Variants in CENPP observed in about 807,000 individuals in gnomAD.
CENPP encodes the protein centromere protein P.
Under a neutral mutation model 35.6 loss-of-function variants are expected in CENPP, and 24 were observed. That is an observed-to-expected ratio of 0.67 (90% CI 0.49 to 0.95). CENPP has a LOEUF of 0.95. Ranked by LOEUF, CENPP falls within the 40% of genes least tolerant of loss-of-function variation. The pLI, the probability that CENPP is intolerant of heterozygous loss-of-function variation, is 0.00. For missense variants in CENPP, 332 were observed against 345.3 expected (o/e 0.96, Z 0.31); for synonymous variants, 120 against 125.5 (o/e 0.96, Z 0.29).
At chr9:92,339,288 T>TC (rs1272128306) in intron 3 of CENPP, among the ~76,000 whole-genome samples, 1 of 152,208 alleles carries the variant, frequency 6.6e-6, no homozygotes, top group African/African-American at 2.4e-5. Flanking sequence ...GTCCCAAGTT[T>TC]CCCATTTTGT....
chr9:92,603,498 C>T (rs1483231325), intron 5 of CENPP, among the ~76,000 whole-genome samples: 6 of 152,158 alleles, frequency 3.9e-5, no homozygotes, highest in Non-Finnish European at 8.8e-5. Context: ...CTCACCAAGA[C>T]ACCCACAGTG....
At chr9:92,449,993 G>A (rs2131019379) in intron 5 of CENPP, among the ~76,000 whole-genome samples, 1 of 152,218 alleles carries the variant, frequency 6.6e-6, no homozygotes, top group Non-Finnish European at 1.5e-5. Flanking sequence ...ATAATTTTGG[G>A]AAAATAGATT....
intron 5 of CENPP, chr9:92,404,757 C>T: frequency 1.4e-6 from 1 of 722,806 alleles, no homozygotes; most frequent in Non-Finnish European, 1.8e-6. Context: ...ACTCAGTCTG[C>T]TTCAACTAAT....
At chr9:92,498,090 G>A (rs369598539) in intron 5 of CENPP, among the ~76,000 whole-genome samples, 7 of 151,936 alleles carry the variant, frequency 4.6e-5, no homozygotes, top group African/African-American at 1.7e-4. Flanking sequence ...ACCCAGCCTT[G>A]GGCATTACTT....
chr9:92,437,568 C>T (rs1411038187), intron 5 of CENPP, among the ~76,000 whole-genome samples: 1 of 151,452 alleles, frequency 6.6e-6, no homozygotes, highest in Non-Finnish European at 1.5e-5. Context: ...TGCCAACACA[C>T]CCAGCTAATT....
intron 5 of CENPP, among the ~76,000 whole-genome samples, chr9:92,458,108 C>T (rs1359237973): frequency 1.3e-5 from 2 of 152,196 alleles, no homozygotes; most frequent in East Asian, 3.9e-4. Flanking sequence ...ATTGAAATCA[C>T]TTGATCTTAT....
chr9:92,501,395 G>A (rs1465010113), intron 5 of CENPP, among the ~76,000 whole-genome samples: 2 of 152,138 alleles, frequency 1.3e-5, no homozygotes, highest in African/African-American at 2.4e-5. Flanking sequence ...ATGAAATCCC[G>A]TGAATCCCAG....
rs148755250 is a variant in CENPP at position 92,543,326 on chromosome 9, G to A, written c.565-67988G>A. ...ATCTCTATCAAAAAATACAAAAATT[G>A]GCTGGGCATGGTGGTACGTACCTGT... is the stretch of plus-strand genomic sequence containing the variant. On this transcript the variant is annotated intron_variant, in intron 5 of 7. Coordinates refer to ENST00000375587, the MANE Select transcript of CENPP (RefSeq NM_001012267.3). Among the ~76,000 whole-genome samples the A allele has an allele frequency of 7.3e-3, 1,101 of 151,750 alleles. 14 individuals carry two copies. Among genetic ancestry groups the A allele is most frequent in the African/African-American group, 0.025 (1,024 of 41,410 alleles).
chr9:92,345,885 G>T, intron 4 of CENPP, 98 bp downstream of exon 4: 1 of 678,252 alleles, frequency 1.5e-6, no homozygotes, highest in Non-Finnish European at 2.6e-6. Flanking sequence ...AAGTAAATAG[G>T]TCTTCTCTGA....
chr9:92,429,439 A>C (rs1481660775), intron 5 of CENPP, among the ~76,000 whole-genome samples: 1 of 152,220 alleles, frequency 6.6e-6, no homozygotes, highest in African/African-American at 2.4e-5. Flanking sequence ...AGAGAAGGTA[A>C]AGAACAAATG....
intron 5 of CENPP, among the ~76,000 whole-genome samples, chr9:92,519,674 A>G (rs1468897616): frequency 6.6e-6 from 1 of 152,174 alleles, no homozygotes; most frequent in Non-Finnish European, 1.5e-5. Context: ...GACCTAATAT[A>G]TCTTATATTT....
intron 5 of CENPP, among the ~76,000 whole-genome samples, chr9:92,525,911 A>C (rs1848373870): frequency 6.6e-6 from 1 of 151,692 alleles, no homozygotes; most frequent in South Asian, 2.1e-4. Flanking sequence ...AAAAAAAAAA[A>C]AAAAGCACAT....
Position 92,619,489 on chromosome 9 carries a change from G to T in CENPP, c.*6340G>T. 6.3e-7 allele frequency: 1 copy of T among 1,585,804 alleles called. No individual in the cohort carries two copies. The highest frequency in any genetic ancestry group is 8.6e-7 in the Non-Finnish European group (1 of 1,166,080). On this transcript the variant is annotated 3_prime_UTR_variant, in exon 8 of 8. Coordinates refer to ENST00000375587, the MANE Select transcript of CENPP (RefSeq NM_001012267.3). ...TGCCTTGCAGTGGGGGCCTCACCTGGCATCCTGCAGACAGGGAGACAGTGC... is the reference window on the plus strand; with the variant it reads ...TGCCTTGCAGTGGGGGCCTCACCTGTCATCCTGCAGACAGGGAGACAGTGC...
chr9:92,336,081 C>T (rs753085125), intron 2 of CENPP, among the ~76,000 whole-genome samples: 2 of 152,198 alleles, frequency 1.3e-5, no homozygotes, highest in Non-Finnish European at 2.9e-5. Flanking sequence ...TCTTTAGTCT[C>T]CTTAATCTGG....
chr9:92,398,566 A>C (rs1842985798), intron 5 of CENPP, among the ~76,000 whole-genome samples: 2 of 151,938 alleles, frequency 1.3e-5, no homozygotes, highest in South Asian at 4.1e-4. Flanking sequence ...CACATAGTGT[A>C]TCCTGGAAAT....
At position 92,523,847 on chromosome 9, in the gene CENPP, C is replaced by T. The variant is rs367917207; in HGVS notation, c.565-87467C>T. Among the ~76,000 whole-genome samples the T allele has an allele frequency of 6.3e-4, 96 of 152,292 alleles. 1 individual carries two copies. The highest frequency in any genetic ancestry group is 2.2e-3 in the African/African-American group (93 of 41,572). The stretch of plus-strand genomic sequence containing the variant: ...TTGCACTCAGAGCATGGGAACATAA[C>T]GGCGATAAGAAGGCTTTCCTCCTCA... On this transcript the variant is annotated intron_variant, in intron 5 of 7. Transcript: ENST00000375587.
chr9:92,445,191 C>T (rs181193468), intron 5 of CENPP, among the ~76,000 whole-genome samples: 49 of 152,298 alleles, frequency 3.2e-4, no homozygotes, highest in African/African-American at 1.1e-3. Flanking sequence ...TCTCATCCTG[C>T]TGGGCTTCCA....
At chr9:92,347,885 A>G (rs1362279952) in intron 4 of CENPP, among the ~76,000 whole-genome samples, 1 of 152,124 alleles carries the variant, frequency 6.6e-6, no homozygotes, top group Non-Finnish European at 1.5e-5. Flanking sequence ...TAGACTGTCA[A>G]TTATTTTTTA....
At chr9:92,543,344 G>A (rs541112743) in intron 5 of CENPP, among the ~76,000 whole-genome samples, 4 of 151,848 alleles carry the variant, frequency 2.6e-5, no homozygotes, top group East Asian at 1.9e-4. Context: ...ATGGTGGTAC[G>A]TACCTGTAGT....
Sources: allele counts gnomAD v4.1 joint callset (sites outside exome capture counted in the v4.1 genomes callset), GRCh38; gene constraint gnomAD v4.1.1; transcripts MANE v1.5; gene names NCBI Gene and HGNC (gene_info 2026-07-23, HGNC 2026-07-21).